Variants in AP2A2 observed in about 807,000 individuals in gnomAD.
The protein encoded by AP2A2 is AP-2 complex subunit alpha-2.
AP2A2 carries 32 observed loss-of-function variants against 104.2 expected under a neutral mutation model. The ratio of observed to expected loss-of-function variants is 0.31; its 90% CI spans 0.23 to 0.41. The LOEUF (loss-of-function observed/expected upper bound fraction) is 0.41, where lower values mean the gene tolerates loss of function less well. Among genes scored for constraint, AP2A2 ranks in the 10% least tolerant of loss-of-function variants. AP2A2 has a pLI of 1.00. For synonymous variants in AP2A2, 539 were observed against 533.3 expected (o/e 1.01, Z -0.15); for missense variants, 912 against 1,261.0 (o/e 0.72, Z 4.19).
intron 2 of AP2A2, among the ~76,000 whole-genome samples, chr11:967,245 T>C (rs544699596): frequency 2.4e-4 from 36 of 152,312 alleles, no homozygotes; most frequent in African/African-American, 8.7e-4. Flanking sequence ...GTCTGTGAAG[T>C]CTGTGTGCAT....
At position 981,222 on chromosome 11, in the gene AP2A2, C is replaced by T. The variant is rs1451093150; in HGVS notation, c.628C>T (p.Leu210=). 7 of 1,613,272 alleles carry T rather than the reference C, an allele frequency of 4.3e-6. No individual in the cohort carries two copies. The highest frequency in any genetic ancestry group is 5.9e-6 in the Non-Finnish European group (7 of 1,179,676). ...GGGTGTGGTAACTGCAGCCACAAGT[C>T]TGATCACCACTTTAGCACAGAAGAA... ...HLGVVTAATS[L]ITTLAQKNPE... The change falls in exon 6 of 22, where the codon CTG becomes TTG. Residue 210 remains leucine (L), a synonymous_variant. Transcript: ENST00000448903.
intron 5 of AP2A2, among the ~76,000 whole-genome samples, chr11:979,271 C>G (rs1238501893): frequency 6.6e-6 from 1 of 150,466 alleles, no homozygotes; most frequent in African/African-American, 2.5e-5. Context: ...CGTGAACATT[C>G]AGGAGCCCCG....
rs56742889 is a variant in AP2A2, at chr11:983,017, C to CT, written c.706-1607dup. 8.5e-3 allele frequency among the ~76,000 whole-genome samples: 698 copies of CT among 82,322 alleles called. 10 individuals carry two copies. Among genetic ancestry groups the CT allele is most frequent in the African/African-American group, 0.018 (383 of 21,184 alleles). 54.0% of individuals were successfully genotyped at this position (82,322 alleles called of 152,430 possible). On this transcript the variant is annotated intron_variant, in intron 6 of 21. Coordinates refer to ENST00000448903, the MANE Select transcript of AP2A2 (RefSeq NM_012305.4). The stretch of plus-strand genomic sequence containing the variant: ...GTGGAACTGTGCATATTTTCTTTTT[C>CT]TTTTTTTTTTTTTTTTTTTTTGAGT...
chr11:1,000,925 A>G (rs1480681623), intron 15 of AP2A2, among the ~76,000 whole-genome samples: 1 of 151,548 alleles, frequency 6.6e-6, no homozygotes, highest in Non-Finnish European at 1.5e-5. Flanking sequence ...GTTGATAAAC[A>G]CTCTTTGTAG....
At chr11:961,590 A>C (rs1203078749) in intron 2 of AP2A2, among the ~76,000 whole-genome samples, 2 of 132,076 alleles carry the variant, frequency 1.5e-5, no homozygotes, top group Non-Finnish European at 3.3e-5. Flanking sequence ...CACCAGTGAA[A>C]AGTAAAGGGC....
chr11:925,989 C>T lies in AP2A2; in HGVS notation c.-33C>T, dbSNP rs752618923. ...GCTCCCCGCGCTCCTCCGCCCGGGT[C>T]CGCCAGCCGAGGCCGCTCCCGAGCG... On this transcript the variant is annotated 5_prime_UTR_variant, in exon 1 of 22. Coordinates refer to ENST00000448903, the MANE Select transcript of AP2A2 (RefSeq NM_012305.4). The T allele has an allele frequency of 2.8e-5, 39 of 1,387,022 alleles. No homozygotes were observed. Among genetic ancestry groups the T allele is most frequent in the Non-Finnish European group, 3.6e-5 (38 of 1,055,380 alleles). The allele number at this position is 1,387,022 out of a possible 1,614,324, so 85.9% of individuals were successfully genotyped here. A position where few individuals can be genotyped will look rare whatever the true frequency, so the allele number is the denominator to read the frequency against.
At chr11:1,000,305 G>A (rs1163897119) in intron 14 of AP2A2, 127 bp from the exon 15 acceptor site, 1 of 882,386 alleles carries the variant, frequency 1.1e-6, no homozygotes, top group East Asian at 2.7e-5. Flanking sequence ...TGTGCCACCT[G>A]CCCCAGCCAC....
intron 6 of AP2A2, among the ~76,000 whole-genome samples, chr11:983,590 A>T (rs75014918): frequency 5.9e-5 from 9 of 151,782 alleles, no homozygotes; most frequent in South Asian, 2.1e-4. Flanking sequence ...TCACTGTGTT[A>T]GCCAGGATGG....
chr11:995,510 C>T (rs1265904668), intron 14 of AP2A2: 1 of 450,662 alleles, frequency 2.2e-6, no homozygotes, highest in East Asian at 7.0e-5. Context: ...AGTGCTGCTA[C>T]CCAGTATCGG....
At chr11:994,824 C>T (rs1490195630) in intron 14 of AP2A2, among the ~76,000 whole-genome samples, 2 of 135,936 alleles carry the variant, frequency 1.5e-5, no homozygotes, top group Non-Finnish European at 3.2e-5. Flanking sequence ...CCCTGCTGGA[C>T]GCCCCCCTGG....
intron 3 of AP2A2, among the ~76,000 whole-genome samples, chr11:971,674 G>T (rs186253291): frequency 1.8e-3 from 273 of 152,208 alleles, no homozygotes; most frequent in African/African-American, 6.3e-3. Context: ...AATTGTTGTA[G>T]CTAAAATCAG....
Position 1,010,960 on chromosome 11 carries a change from A to G in AP2A2, c.*335A>G, listed in dbSNP as rs937102258. 1 of 727,228 alleles carries G rather than the reference A, an allele frequency of 1.4e-6. No individual in the cohort carries two copies. The highest frequency in any genetic ancestry group is 2.5e-6 in the Non-Finnish European group (1 of 395,296). The allele number at this position is 727,228 out of a possible 1,614,324, so 45.0% of individuals were successfully genotyped here. A position where few individuals can be genotyped will look rare whatever the true frequency, so the allele number is the denominator to read the frequency against. On this transcript the variant is annotated 3_prime_UTR_variant, in exon 22 of 22. Coordinates refer to ENST00000448903, the MANE Select transcript of AP2A2 (RefSeq NM_012305.4). ...TGGCGTTTGTGGGAGTGTCACTGAG[A>G]TGGCCCGTGCTGCCGCCCACCCCGC...
intron 1 of AP2A2, among the ~76,000 whole-genome samples, chr11:941,358 A>T (rs550829147): frequency 6.6e-6 from 1 of 152,132 alleles, no homozygotes; most frequent in South Asian, 2.1e-4. Flanking sequence ...TTCTACACAC[A>T]TGCCCCGGCC....
At position 993,509 on chromosome 11, in the gene AP2A2, C is replaced by T. The variant is rs763612504; in HGVS notation, c.1550+128C>T. The T allele has an allele frequency of 2.3e-5, 17 of 726,056 alleles. No homozygotes were observed. The highest frequency in any genetic ancestry group is 5.4e-5 in the African/African-American group (3 of 55,828). 45.0% of individuals were successfully genotyped at this position (726,056 alleles called of 1,614,324 possible). A position where few individuals can be genotyped will look rare whatever the true frequency, so the allele number is the denominator to read the frequency against. The stretch of plus-strand genomic sequence containing the variant: ...CAGAGCCGCTTCTGCTCCCCATCGG[C>T]GTCTTTTTGTTTTCCTTCAGTTGAT... On this transcript the variant is annotated intron_variant, in intron 12 of 21. Coordinates refer to ENST00000448903, the MANE Select transcript of AP2A2 (RefSeq NM_012305.4). This position sits in a 1 kb window ranked among gnomAD's most constrained non-coding sequence, Gnocchi z 8.2.
At chr11:927,017 C>T (rs1439547359) in intron 1 of AP2A2, among the ~76,000 whole-genome samples, 4 of 152,138 alleles carry the variant, frequency 2.6e-5, no homozygotes, top group Non-Finnish European at 5.9e-5. Context: ...TTCCTGTCTG[C>T]TGCGTTGATT....
intron 2 of AP2A2, among the ~76,000 whole-genome samples, chr11:961,996 G>A (rs1854457972): frequency 6.6e-6 from 1 of 151,540 alleles, no homozygotes; most frequent in Non-Finnish European, 1.5e-5. Context: ...CTAGTGAAAA[G>A]TAAAGGGCGG....
intron 1 of AP2A2, among the ~76,000 whole-genome samples, chr11:939,739 C>T (rs907641177): frequency 6.6e-6 from 1 of 152,050 alleles, no homozygotes; most frequent in African/African-American, 2.4e-5. Flanking sequence ...GCCACCGTGC[C>T]TGGCCTGTTT....
intron 2 of AP2A2, 62 bp from the exon 3 acceptor site, chr11:970,107 C>G: frequency 6.3e-7 from 1 of 1,576,954 alleles, no homozygotes; most frequent in Non-Finnish European, 8.7e-7. Context: ...CTGCCCTCTG[C>G]TCTCCCCTCT....
intron 6 of AP2A2, among the ~76,000 whole-genome samples, chr11:983,542 C>G (rs971247039): frequency 2.6e-5 from 4 of 151,704 alleles, no homozygotes; most frequent in Non-Finnish European, 1.5e-5. Context: ...GCCACCATGC[C>G]TGGCTAATTT....
Sources: gnomAD v4.1 joint callset for allele counts (sites outside exome capture counted in the v4.1 genomes callset) on GRCh38, gnomAD v4.1.1 for gene constraint, Gnocchi (gnomAD v3.1) non-coding constraint, MANE v1.5 for transcripts, NCBI Gene and HGNC (gene_info 2026-07-23, HGNC 2026-07-21) for gene names.